Variants in CADM2 observed in about 807,000 individuals in gnomAD.
CADM2 encodes the protein immunoglobulin superfamily member 4D.
CADM2 carries 12 observed loss-of-function variants against 49.8 expected under a neutral mutation model. The observed-to-expected ratio is 0.24, with a 90% CI of 0.15 to 0.39. CADM2 has a LOEUF of 0.39. CADM2 is among the 10% of genes least tolerant of loss of function. The pLI is 1.00. For synonymous variants in CADM2, 214 were observed against 175.4 expected, an observed-to-expected ratio of 1.22 and a Z score of -1.74; for missense variants, 378 against 492.3, an observed-to-expected ratio of 0.77 and a Z score of 2.20.
intron 1 of CADM2, among the ~76,000 whole-genome samples, chr3:85,256,129 A>C (rs1434134321): frequency 6.6e-6 from 1 of 151,520 alleles, no homozygotes; most frequent in African/African-American, 2.4e-5. Flanking sequence ...ACGCAACAGC[A>C]CTCCTCTGGG....
intron 1 of CADM2, among the ~76,000 whole-genome samples, chr3:85,514,090 C>G (rs1356769117): frequency 2.6e-5 from 4 of 151,912 alleles, no homozygotes; most frequent in Non-Finnish European, 5.9e-5. Flanking sequence ...CTTTCATGTG[C>G]CAGGGCATCT....
At chr3:85,394,641 C>T (rs953946345) in intron 1 of CADM2, among the ~76,000 whole-genome samples, 1 of 152,042 alleles carries the variant, frequency 6.6e-6, no homozygotes, top group East Asian at 1.9e-4. Context: ...ACTCATATAA[C>T]CGTGGCTTAT....
In CADM2 at chr3:85,802,205, A is replaced by G. The variant is rs765735483; in HGVS notation, c.238+9A>G. The G allele has an allele frequency of 3.8e-6, 6 of 1,597,646 alleles. No homozygotes were observed. The East Asian group carries it at 9.0e-5, about 24-fold the overall frequency. On this transcript the variant is annotated intron_variant, in intron 3 of 9. Coordinates refer to ENST00000383699, the MANE Select transcript of CADM2 (RefSeq NM_001167675.2). ...CTTTGACGACAAGAAAGGTGAATAC[A>G]TTTTCTTTCAAATGTTTTAATCGTA...
At chr3:85,075,580 T>C (rs2036913500) in intron 1 of CADM2, among the ~76,000 whole-genome samples, 3 of 152,178 alleles carry the variant, frequency 2.0e-5, no homozygotes, top group Admixed American at 2.0e-4. Context: ...GGGTTACATT[T>C]ACTTAATATT....
At chr3:85,361,577 A>C (rs986716451) in intron 1 of CADM2, among the ~76,000 whole-genome samples, 1 of 152,234 alleles carries the variant, frequency 6.6e-6, no homozygotes, top group Admixed American at 6.5e-5. Flanking sequence ...TCAACAAAAT[A>C]GAAGCTTTTT....
intron 1 of CADM2, among the ~76,000 whole-genome samples, chr3:85,652,772 C>CTTTTTT (rs34756757): frequency 0.1 from 5,096 of 50,618 alleles, 1,282 homozygotes; most frequent in African/African-American, 0.12. Context: ...TTTTTCTTTT[C>CTTTTTT]TTTTTTTTTT....
intron 1 of CADM2, among the ~76,000 whole-genome samples, chr3:85,623,351 G>A (rs1055092538): frequency 1.3e-4 from 20 of 152,062 alleles, no homozygotes; most frequent in African/African-American, 4.3e-4. Context: ...TTGATTATAC[G>A]TTATATGAAT....
At position 85,492,505 on chromosome 3, in the gene CADM2, T is replaced by C. The variant is rs189127276; in HGVS notation, c.62-234017T>C. Among the ~76,000 whole-genome samples the C allele has an allele frequency of 4.6e-3, 693 of 152,014 alleles. 7 individuals are homozygous for C. Among genetic ancestry groups the C allele is most frequent in the African/African-American group, 0.016 (661 of 41,454 alleles). ...TACTCGGAAGGCTGAGGCAGGAGAA[T>C]GGCTTGAACCCAGGAGGCAGAGGTT... On this transcript the variant is annotated intron_variant, in intron 1 of 9. Transcript: ENST00000383699.
At chr3:85,965,422 T>TA (rs1349469977) in intron 8 of CADM2, among the ~76,000 whole-genome samples, 6 of 151,268 alleles carry the variant, frequency 4.0e-5, no homozygotes, top group Admixed American at 1.3e-4. Flanking sequence ...AGACTATTCT[T>TA]ACTCTTATAT....
chr3:86,059,178 C>CA (rs1187768011), intron 8 of CADM2, among the ~76,000 whole-genome samples: 1 of 151,304 alleles, frequency 6.6e-6, no homozygotes, highest in Non-Finnish European at 1.5e-5. Flanking sequence ...CTTAAAAGGC[C>CA]AGAAATTCTT....
chr3:85,421,515 G>A (rs1438128413), intron 1 of CADM2, among the ~76,000 whole-genome samples: 1 of 152,184 alleles, frequency 6.6e-6, no homozygotes, highest in Non-Finnish European at 1.5e-5. Flanking sequence ...ATATGAAGTT[G>A]AGTGTTGATT....
intron 2 of CADM2, among the ~76,000 whole-genome samples, chr3:85,737,655 T>G (rs2068197588): frequency 6.6e-6 from 1 of 151,546 alleles, no homozygotes; most frequent in Admixed American, 6.6e-5. Context: ...TCTCCCAGGT[T>G]CATGGCATTC....
Position 84,959,594 on chromosome 3 carries a change from T to C in CADM2, c.-14T>C, listed in dbSNP as rs1220070301. The C allele has an allele frequency of 2.6e-6, 4 of 1,536,878 alleles. No homozygotes were observed. Among genetic ancestry groups the C allele is most frequent in the Non-Finnish European group, 1.7e-6 (2 of 1,146,712 alleles). On this transcript the variant is annotated 5_prime_UTR_variant, in exon 1 of 10. Transcript: ENST00000383699. ...GCCCCCTCGTTCCTTCCCCAGCCCTTTAGAGAAGGGACCATGATTTGGAAA... is the reference window on the plus strand; with the variant it reads ...GCCCCCTCGTTCCTTCCCCAGCCCTCTAGAGAAGGGACCATGATTTGGAAA...
chr3:85,861,691 G>A (rs1281375121), intron 3 of CADM2, among the ~76,000 whole-genome samples: 1 of 152,034 alleles, frequency 6.6e-6, no homozygotes, highest in Non-Finnish European at 1.5e-5. Flanking sequence ...AGTAATAAGA[G>A]AAATTCAATG....
At chr3:85,188,355 G>A (rs945828039) in intron 1 of CADM2, among the ~76,000 whole-genome samples, 1 of 152,074 alleles carries the variant, frequency 6.6e-6, no homozygotes, top group Non-Finnish European at 1.5e-5. Context: ...TCTATCAAAT[G>A]AGCCTATTAT....
chr3:85,197,644 T>C (rs111535112), intron 1 of CADM2, among the ~76,000 whole-genome samples: 5 of 151,912 alleles, frequency 3.3e-5, no homozygotes, highest in African/African-American at 1.2e-4. Flanking sequence ...GTTGGACAAG[T>C]GTTGTTTAGG....
intron 1 of CADM2, among the ~76,000 whole-genome samples, chr3:85,345,755 C>G (rs1025400125): frequency 2.6e-5 from 4 of 152,128 alleles, no homozygotes; most frequent in African/African-American, 4.8e-5. Flanking sequence ...ATTGGAAGAA[C>G]TTAAATTTGT....
intron 1 of CADM2, among the ~76,000 whole-genome samples, chr3:85,544,188 G>T (rs2061610744): frequency 1.3e-5 from 2 of 152,272 alleles, no homozygotes; most frequent in East Asian, 3.9e-4. Context: ...AAATGTAAAG[G>T]AGAGAAAAAT....
chr3:85,664,884 TA>T (rs34901539), intron 1 of CADM2, among the ~76,000 whole-genome samples: 18 of 152,012 alleles, frequency 1.2e-4, no homozygotes, highest in African/African-American at 2.7e-4. Context: ...CCTTTTCAGA[TA>T]TTTTTTCCCA....
Sources: gnomAD v4.1 joint callset for allele counts (sites outside exome capture counted in the v4.1 genomes callset) on GRCh38, gnomAD v4.1.1 for gene constraint, MANE v1.5 for transcripts, NCBI Gene and HGNC (gene_info 2026-07-23, HGNC 2026-07-21) for gene names.